ZNF775: variants seen among roughly 807,000 people sequenced by gnomAD.
The protein encoded by ZNF775 is zinc finger protein 775.
A neutral mutation model predicts 2.4 loss-of-function variants in ZNF775; 1 was observed. The ratio of observed to expected loss-of-function variants is 0.41; its 90% CI spans 0.15 to 1.94. The LOEUF is 1.94. Among genes scored for constraint, ZNF775 ranks in the 30% most tolerant of loss-of-function variants. The pLI is 0.30. For missense variants in ZNF775, 823 were observed against 826.6 expected (o/e 1.00, Z 0.05); for synonymous variants, 381 against 373.3 (o/e 1.02, Z -0.24).
Position 150,396,822 on chromosome 7 carries a change from A to G in ZNF775, c.341A>G (p.Lys114Arg), listed in dbSNP as rs1180090223. The G allele has an allele frequency of 6.2e-7, 1 of 1,601,532 alleles. No individual in the cohort carries two copies. Among genetic ancestry groups the G allele is most frequent in the Non-Finnish European group, 8.5e-7 (1 of 1,177,878 alleles). ...CACTTTGTATGCCTGGACTGCGGGA[A>G]GAGGTTCAGCTGGTGGTCGTCCCTG... ...EGHFVCLDCG[K>R]RFSWWSSLKI... Residue 114 changes from lysine (K) to arginine (R), a missense_variant, in exon 3 of 3, where the codon AAG (lysine) becomes AGG (arginine). By Grantham distance (26) the Lys-to-Arg change is conservative. Coordinates refer to ENST00000329630, the MANE Select transcript of ZNF775 (RefSeq NM_173680.4).
chr7:150,389,052 C>G (rs1455220321), intron 2 of ZNF775, among the ~76,000 whole-genome samples: 1 of 152,220 alleles, frequency 6.6e-6, no homozygotes, highest in Admixed American at 6.5e-5. Context: ...TGCCCAGCGT[C>G]CCTGCGCCTG....
chr7:150,385,689 G>A (rs1203014647), intron 1 of ZNF775, among the ~76,000 whole-genome samples: 3 of 152,196 alleles, frequency 2.0e-5, no homozygotes, highest in Non-Finnish European at 2.9e-5. Flanking sequence ...TTTGTCACAC[G>A]CAGGCAGGTC....
chr7:150,387,783 C>T (rs1349716661), intron 1 of ZNF775, among the ~76,000 whole-genome samples: 1 of 151,324 alleles, frequency 6.6e-6, no homozygotes, highest in East Asian at 1.9e-4. Flanking sequence ...GCACTCCAGC[C>T]TGGGCAACAG....
At position 150,398,223 on chromosome 7, in the gene ZNF775, T is replaced by G. The variant is rs930149909; in HGVS notation, c.*128T>G. Reference sequence around the variant, plus strand: ...GCGGGACCGGTGGATTCCTTAAGGCTCTGAAGGGCTGAGAACAGTTCTAGA... The same window carrying G: ...GCGGGACCGGTGGATTCCTTAAGGCGCTGAAGGGCTGAGAACAGTTCTAGA... On this transcript the variant is annotated 3_prime_UTR_variant, in exon 3 of 3. Coordinates refer to ENST00000329630, the MANE Select transcript of ZNF775 (RefSeq NM_173680.4). The G allele has an allele frequency of 2.2e-6, 3 of 1,387,540 alleles. No individual in the cohort carries two copies. Among genetic ancestry groups the G allele is most frequent in the African/African-American group, 2.9e-5 (2 of 68,364 alleles). 86.0% of individuals were successfully genotyped at this position (1,387,540 alleles called of 1,614,324 possible). A position where few individuals can be genotyped will look rare whatever the true frequency, so the allele number is the denominator to read the frequency against.
At chr7:150,392,545 A>ATCTCTCCCTCTCTCTCTCTCTC (rs1800576987) in intron 2 of ZNF775, among the ~76,000 whole-genome samples, 1 of 136,582 alleles carries the variant, frequency 7.3e-6, no homozygotes, top group African/African-American at 3.0e-5. Context: ...TCCCAAATGG[A>ATCTCTCCCTCTCTCTCTCTCTC]TCTCTCTCTC....
Position 150,397,423 on chromosome 7 carries a change from C to T in ZNF775, c.942C>T (p.Cys314=), listed in dbSNP as rs1800688219. The change falls in exon 3 of 3, where the codon TGC becomes TGT. Residue 314 remains cysteine (C), a synonymous_variant. Transcript: ENST00000329630. The part of the protein sequence containing the change: ...TGERPYACPE[C]GRRFSQKPNL... The stretch of plus-strand genomic sequence containing the variant: ...AGCGCCCCTATGCGTGCCCCGAGTG[C>T]GGCCGCCGCTTCAGCCAGAAGCCCA... 6 of 1,594,754 alleles carry T rather than the reference C, an allele frequency of 3.8e-6. No individual in the cohort carries two copies. Among genetic ancestry groups the T allele is most frequent in the East Asian group, 4.5e-5 (2 of 44,400 alleles).
chr7:150,396,456 C>A, intron 2 of ZNF775, 57 bp from the exon 3 acceptor site: 1 of 1,499,998 alleles, frequency 6.7e-7, no homozygotes. Flanking sequence ...CTCTCCATCC[C>A]ACCCAGCGGA....
At chr7:150,385,119 G>T (rs2129620915) in intron 1 of ZNF775, among the ~76,000 whole-genome samples, 1 of 152,220 alleles carries the variant, frequency 6.6e-6, no homozygotes, top group African/African-American at 2.4e-5. Flanking sequence ...AGGGAGGAGG[G>T]TGGCGAGGGA....
Position 150,396,801 on chromosome 7 carries a change from T to G in ZNF775, c.320T>G (p.Phe107Cys). The G allele has an allele frequency of 6.2e-7, 1 of 1,600,206 alleles. No homozygotes were observed. Among genetic ancestry groups the G allele is most frequent in the Non-Finnish European group, 8.5e-7 (1 of 1,175,736 alleles). ...SPSLSSGEGH[F>C]VCLDCGKRFS... is the part of the protein sequence containing the mutation. ...TCGCTTTCCTCCGGCGAGGGTCACTTTGTATGCCTGGACTGCGGGAAGAGG... is the reference window on the plus strand; with the variant it reads ...TCGCTTTCCTCCGGCGAGGGTCACTGTGTATGCCTGGACTGCGGGAAGAGG... Residue 107 changes from phenylalanine (F) to cysteine (C), a missense_variant, in exon 3 of 3, where the codon TTT (phenylalanine) becomes TGT (cysteine). Coordinates refer to ENST00000329630, the MANE Select transcript of ZNF775 (RefSeq NM_173680.4).
chr7:150,396,783 C>A lies in ZNF775; in HGVS notation c.302C>A (p.Ser101Tyr). 3 of 1,595,086 alleles carry A rather than the reference C, an allele frequency of 1.9e-6. No individual in the cohort carries two copies. The highest frequency in any genetic ancestry group is 2.6e-6 in the Non-Finnish European group (3 of 1,172,128). ...SASGPLSPSL[S>Y]SGEGHFVCLD... ...TCCGGCCCCCTGAGCCCCTCGCTTT[C>A]CTCCGGCGAGGGTCACTTTGTATGC... is the stretch of plus-strand genomic sequence containing the variant. Residue 101 changes from serine to tyrosine, a missense_variant, in exon 3 of 3, where the codon TCC becomes TAC. Ser to Tyr is a moderately radical substitution (Grantham distance 144, BLOSUM62 -2). Transcript: ENST00000329630.
intron 2 of ZNF775, among the ~76,000 whole-genome samples, chr7:150,392,085 A>G (rs1183346751): frequency 6.6e-6 from 1 of 152,150 alleles, no homozygotes; most frequent in East Asian, 1.9e-4. Flanking sequence ...TTTAGTTTTT[A>G]TCTTTTGTAT....
chr7:150,393,218 T>C (rs895436280), intron 2 of ZNF775, among the ~76,000 whole-genome samples: 2 of 152,202 alleles, frequency 1.3e-5, no homozygotes, highest in Admixed American at 6.5e-5. Context: ...GAATGTCATA[T>C]AGTTGAAGTC....
At chr7:150,387,960 G>A (rs1800483947) in intron 1 of ZNF775, among the ~76,000 whole-genome samples, 1 of 152,210 alleles carries the variant, frequency 6.6e-6, no homozygotes, top group Admixed American at 6.5e-5. Flanking sequence ...GAAAGAGGGG[G>A]CGGGTGACGG....
At chr7:150,390,335 G>A (rs755938422) in intron 2 of ZNF775, among the ~76,000 whole-genome samples, 2 of 152,084 alleles carry the variant, frequency 1.3e-5, no homozygotes, top group Non-Finnish European at 2.9e-5. Flanking sequence ...GTCCGCCAGG[G>A]GCCCTTCGGC....
rs777918365 is a variant in ZNF775 at position 150,397,045 on chromosome 7, C to T, written c.564C>T (p.Pro188=). Residue 188 remains proline (P), a synonymous_variant, in exon 3 of 3, where the codon CCC becomes CCT. Transcript: ENST00000329630. Reference sequence around the variant, plus strand: ...AGCACCAGAAGACCCACTCCCGGCCCGCCACCCACTCGTGCCCCGAGTGCG... The same window carrying T: ...AGCACCAGAAGACCCACTCCCGGCCTGCCACCCACTCGTGCCCCGAGTGCG... ...LLKHQKTHSR[P]ATHSCPECER... 1.9e-6 allele frequency: 3 copies of T among 1,596,690 alleles called. No individual in the cohort carries two copies. The highest frequency in any genetic ancestry group is 4.5e-5 in the East Asian group (2 of 44,676).
intron 1 of ZNF775, among the ~76,000 whole-genome samples, chr7:150,383,018 T>G (rs1223747139): frequency 6.6e-6 from 1 of 152,236 alleles, no homozygotes; most frequent in Non-Finnish European, 1.5e-5. Context: ...TCTGTAGGTG[T>G]GTCTGTGAGT....
At chr7:150,387,767 G>T (rs561970058) in intron 1 of ZNF775, among the ~76,000 whole-genome samples, 4 of 151,782 alleles carry the variant, frequency 2.6e-5, no homozygotes, top group Non-Finnish European at 4.4e-5. Context: ...CTGAGATCCC[G>T]CCACTGCACT....
chr7:150,388,516 AGAG>A lies in ZNF775; in HGVS notation c.31+20_31+22del. 6.4e-7 allele frequency: 1 copy of A among 1,551,832 alleles called. No individual in the cohort carries two copies. The highest frequency in any genetic ancestry group is 8.7e-7 in the Non-Finnish European group (1 of 1,147,030). On this transcript the variant is annotated intron_variant, in intron 2 of 2. Coordinates refer to ENST00000329630, the MANE Select transcript of ZNF775 (RefSeq NM_173680.4). ...CAACGGCACAGGTAAGAGAGAAGAA[AGAG>A]GAGGCAGGGGAGCGGGGTCTCCTCT...
chr7:150,387,531 A>C (rs1023451637), intron 1 of ZNF775, among the ~76,000 whole-genome samples: 1 of 150,294 alleles, frequency 6.7e-6, no homozygotes, highest in African/African-American at 2.4e-5. Context: ...CAAAAAAAGA[A>C]GGCCGGGCGC....
Sources: allele counts gnomAD v4.1 joint callset (sites outside exome capture counted in the v4.1 genomes callset), GRCh38; gene constraint gnomAD v4.1.1; transcripts MANE v1.5; gene names NCBI Gene and HGNC (gene_info 2026-07-23, HGNC 2026-07-21).